The following HEMK2 variants were observed in gnomAD, a reference collection of about 807,000 sequenced individuals.
HEMK2 encodes HemK methyltransferase 2, ETF1 glutamine and histone H4 lysine.
chr21:28,720,252 T>C, the HEMK2 span, among the ~76,000 whole-genome samples: 10,483 of 152,298 alleles, frequency 0.069, 449 homozygotes, highest in Middle Eastern at 0.14. Context: ...GAACATACTG[T>C]GACCAGAGGC....
At chr21:28,835,249 C>T in the HEMK2 span, among the ~76,000 whole-genome samples, 54 of 152,242 alleles carry the variant, frequency 3.5e-4, 1 homozygote, top group East Asian at 9.9e-3. Flanking sequence ...TTGCACCCCA[C>T]GCCCCCTCCA....
At chr21:28,816,876 AGAGAAAATAGAAGACAT>A in the HEMK2 span, among the ~76,000 whole-genome samples, 3 of 152,234 alleles carry the variant, frequency 2.0e-5, no homozygotes, top group African/African-American at 4.8e-5. Flanking sequence ...GACTGAAAGC[AGAGAAAATAGAAGACAT>A]GAGATGATAA....
At chr21:28,707,012 T>TA in the HEMK2 span, among the ~76,000 whole-genome samples, 1 of 152,192 alleles carries the variant, frequency 6.6e-6, no homozygotes, top group African/African-American at 2.4e-5. Context: ...TTCTCTAAAG[T>TA]CTAGCAGTTC....
the HEMK2 span, among the ~76,000 whole-genome samples, chr21:28,742,389 T>G: frequency 6.6e-6 from 1 of 152,254 alleles, no homozygotes; most frequent in Non-Finnish European, 1.5e-5. Flanking sequence ...CAATTATTTC[T>G]TTGTTAACAT....
the HEMK2 span, among the ~76,000 whole-genome samples, chr21:28,750,541 A>C: frequency 1.3e-5 from 2 of 151,990 alleles, no homozygotes; most frequent in African/African-American, 4.8e-5. Flanking sequence ...TCTACTAAAA[A>C]AATATAAAAA....
At chr21:28,742,229 G>T in the HEMK2 span, among the ~76,000 whole-genome samples, 3 of 152,210 alleles carry the variant, frequency 2.0e-5, no homozygotes, top group Non-Finnish European at 4.4e-5. Flanking sequence ...CTGTACAGAA[G>T]AAGTTTGCTG....
At chr21:28,808,932 T>C in the HEMK2 span, among the ~76,000 whole-genome samples, 1 of 152,220 alleles carries the variant, frequency 6.6e-6, no homozygotes, top group African/African-American at 2.4e-5. Context: ...TCAAGATAAC[T>C]CATTTTTCAA....
the HEMK2 span, among the ~76,000 whole-genome samples, chr21:28,751,066 T>TA: frequency 5.9e-5 from 9 of 151,858 alleles, no homozygotes; most frequent in East Asian, 1.6e-3. Flanking sequence ...CCCGTCTCTA[T>TA]GAAAAATACA....
chr21:28,879,274 G>A, the HEMK2 span, among the ~76,000 whole-genome samples: 3 of 151,774 alleles, frequency 2.0e-5, no homozygotes, highest in African/African-American at 7.3e-5. Context: ...ACAGAGTCTC[G>A]CACTATCGTC....
chr21:28,600,885 T>C, the HEMK2 span, among the ~76,000 whole-genome samples: 3 of 152,196 alleles, frequency 2.0e-5, no homozygotes, highest in African/African-American at 4.8e-5. Context: ...TGCTAAAACA[T>C]AGCAAGAGTC....
At chr21:28,602,171 C>T in the HEMK2 span, among the ~76,000 whole-genome samples, 46,040 of 151,922 alleles carry the variant, frequency 0.3, 7,178 homozygotes, top group Non-Finnish European at 0.34. Flanking sequence ...AACTGGGCTT[C>T]GTTGGTTGTC....
the HEMK2 span, among the ~76,000 whole-genome samples, chr21:28,702,929 A>C: frequency 2.0e-5 from 3 of 152,234 alleles, no homozygotes; most frequent in Non-Finnish European, 2.9e-5. Flanking sequence ...TCAATGGTAG[A>C]CTGGGTAAAC....
the HEMK2 span, among the ~76,000 whole-genome samples, chr21:28,578,903 A>G: frequency 6.6e-6 from 1 of 152,190 alleles, no homozygotes; most frequent in Non-Finnish European, 1.5e-5. Flanking sequence ...CCAGAATGGC[A>G]CCTAAAAAAC....
the HEMK2 span, among the ~76,000 whole-genome samples, chr21:28,692,169 TG>T: frequency 2.6e-5 from 4 of 152,262 alleles, no homozygotes; most frequent in African/African-American, 9.6e-5. Context: ...TGTTGACCCA[TG>T]AGATTCCTTG....
chr21:28,639,879 G>A, the HEMK2 span, among the ~76,000 whole-genome samples: 1 of 152,140 alleles, frequency 6.6e-6, no homozygotes, highest in African/African-American at 2.4e-5. Flanking sequence ...CAATCATCCA[G>A]TACAAAGGCA....
At chr21:28,665,925 A>T in the HEMK2 span, among the ~76,000 whole-genome samples, 101 of 152,032 alleles carry the variant, frequency 6.6e-4, no homozygotes, top group South Asian at 2.1e-3. Flanking sequence ...TCCATTTTTT[A>T]AAAAAAATAG....
chr21:28,864,869 G>GATAGATA, the HEMK2 span, among the ~76,000 whole-genome samples: 3 of 87,662 alleles, frequency 3.4e-5, no homozygotes, highest in African/African-American at 9.4e-5. Context: ...ATAGATAGAT[G>GATAGATA]GATGATAGGT....
chr21:28,607,809 A>G, the HEMK2 span, among the ~76,000 whole-genome samples: 1 of 152,184 alleles, frequency 6.6e-6, no homozygotes, highest in African/African-American at 2.4e-5. Flanking sequence ...GGTTTAAATT[A>G]AGATTATGGA....
the HEMK2 span, among the ~76,000 whole-genome samples, chr21:28,782,412 T>A: frequency 1.3e-5 from 2 of 152,228 alleles, no homozygotes; most frequent in African/African-American, 2.4e-5. Context: ...GTTCCTCTCC[T>A]AGCTAAATGC....
Sources: gnomAD v4.1 joint callset for allele counts (sites outside exome capture counted in the v4.1 genomes callset) on GRCh38, gnomAD v4.1.1 for gene constraint, MANE v1.5 for transcripts, NCBI Gene and HGNC (gene_info 2026-07-23, HGNC 2026-07-21) for gene names.